SACM1L: variants seen among roughly 807,000 people sequenced by gnomAD.
SACM1L encodes SAC1 like phosphatidylinositide phosphatase.
Under a neutral mutation model 89.5 loss-of-function variants are expected in SACM1L, and 32 were observed. That is an observed-to-expected ratio of 0.36 (90% CI 0.27 to 0.48). SACM1L has a LOEUF of 0.48. SACM1L is among the 20% of genes least tolerant of loss of function. The pLI, the probability that SACM1L is intolerant of heterozygous loss-of-function variation, is 0.99. For missense variants in SACM1L, 543 were observed against 708.5 expected, an observed-to-expected ratio of 0.77 and a Z score of 2.65; for synonymous variants, 213 against 232.8, an observed-to-expected ratio of 0.92 and a Z score of 0.77.
chr3:45,731,469 G>A, intron 12 of SACM1L, 89 bp downstream of exon 12: 1 of 722,354 alleles, frequency 1.4e-6, no homozygotes, highest in Non-Finnish European at 2.2e-6. Context: ...CTAGACATAT[G>A]TTTCAGCTTG....
chr3:45,709,668 T>C, intron 5 of SACM1L, 21 bp downstream of exon 5: 2 of 1,581,902 alleles, frequency 1.3e-6, no homozygotes, highest in Non-Finnish European at 1.7e-6. Context: ...TCTTCAATTA[T>C]TTTTATTTTT....
At position 45,739,618 on chromosome 3, in the gene SACM1L, T is replaced by C. The variant is rs1393361920; in HGVS notation, c.1601T>C (p.Met534Thr). The C allele has an allele frequency of 2.5e-6, 4 of 1,614,066 alleles. No homozygotes were observed. Among genetic ancestry groups the C allele is most frequent in the Non-Finnish European group, 1.7e-6 (2 of 1,180,010 alleles). The change falls in exon 19 of 20, where the codon ATG (methionine) becomes ACG (threonine). Residue 534 changes from methionine to threonine, a missense_variant. Physicochemically the swap from Met to Thr is moderately conservative, Grantham distance 81 (BLOSUM62 -1). This residue lies in a region of SACM1L where 370 missense variants were observed against 527.6 expected (regional missense o/e 0.70). Coordinates refer to ENST00000389061, the MANE Select transcript of SACM1L (RefSeq NM_014016.5). ...ATTATCATGGTTGTTGCCTTTTCAA[T>C]GTGCATTATCTGTTTGCTTATGGCT... is the stretch of plus-strand genomic sequence containing the variant. ...LPIIMVVAFSMCIICLLMAGD... is the reference protein window; with the variant it reads ...LPIIMVVAFSTCIICLLMAGD...
At chr3:45,741,976 C>T (rs1699326588) in intron 19 of SACM1L, among the ~76,000 whole-genome samples, 1 of 152,206 alleles carries the variant, frequency 6.6e-6, no homozygotes, top group African/African-American at 2.4e-5. Flanking sequence ...GGTCCTCTGC[C>T]TTCTTTCCTG....
Position 45,739,652 on chromosome 3 carries a change from T to A in SACM1L, c.1627+8T>A. ...TCTGTTTGCTTATGGCTGGTAAGTC[T>A]GCTCCACACATTTGTTTCTTAGTTA... On this transcript the variant is annotated splice_region_variant and intron_variant, in intron 19 of 19. Transcript: ENST00000389061. The A allele has an allele frequency of 1.2e-6, 2 of 1,613,738 alleles. No homozygotes were observed. The highest frequency in any genetic ancestry group is 1.7e-6 in the Non-Finnish European group (2 of 1,179,658).
intron 1 of SACM1L, among the ~76,000 whole-genome samples, chr3:45,699,511 T>C (rs1024716623): frequency 6.6e-6 from 1 of 152,076 alleles, no homozygotes; most frequent in Non-Finnish European, 1.5e-5. Flanking sequence ...AATTAAAAAG[T>C]GCCTTGGTTC....
intron 11 of SACM1L, chr3:45,730,562 G>A (rs373089481): frequency 2.0e-5 from 3 of 152,288 alleles, no homozygotes; most frequent in East Asian, 1.9e-4. Flanking sequence ...TGTATGCTGG[G>A]GCAGTCCTTT....
intron 11 of SACM1L, among the ~76,000 whole-genome samples, chr3:45,729,678 A>G (rs1699001968): frequency 6.6e-6 from 1 of 152,150 alleles, no homozygotes; most frequent in African/African-American, 2.4e-5. Flanking sequence ...AATCCCATTG[A>G]GAATCTCTTG....
At chr3:45,712,333 C>A (rs1698549073) in intron 5 of SACM1L, among the ~76,000 whole-genome samples, 1 of 152,178 alleles carries the variant, frequency 6.6e-6, no homozygotes, top group Non-Finnish European at 1.5e-5. Flanking sequence ...CAGCCTCCAC[C>A]TCCCAGGTTC....
intron 1 of SACM1L, among the ~76,000 whole-genome samples, chr3:45,702,855 C>T (rs1211781660): frequency 1.3e-5 from 2 of 151,570 alleles, no homozygotes; most frequent in East Asian, 3.9e-4. Context: ...ATATGGGTTT[C>T]TAAAAAAACA....
intron 19 of SACM1L, among the ~76,000 whole-genome samples, chr3:45,740,884 TATC>T (rs1699298421): frequency 6.6e-6 from 1 of 152,244 alleles, no homozygotes; most frequent in Admixed American, 6.5e-5. Flanking sequence ...AGATATTACT[TATC>T]ATTACATTTT....
At chr3:45,739,992 G>A (rs1699282521) in intron 19 of SACM1L, 2 of 257,948 alleles carry the variant, frequency 7.8e-6, no homozygotes, top group Non-Finnish European at 1.5e-5. Flanking sequence ...TCAGTATCTT[G>A]TGCTTTTTCC....
chr3:45,690,674 T>C (rs1697961766), intron 1 of SACM1L, among the ~76,000 whole-genome samples: 1 of 152,244 alleles, frequency 6.6e-6, no homozygotes. Context: ...GTGCCATTTC[T>C]GTTTACTGTA....
At chr3:45,704,675 G>T (rs912027141) in intron 2 of SACM1L, among the ~76,000 whole-genome samples, 4 of 152,138 alleles carry the variant, frequency 2.6e-5, no homozygotes, top group African/African-American at 9.7e-5. Flanking sequence ...TTATTTGTAG[G>T]TAGAGATTGC....
chr3:45,728,751 T>C (rs991037678), intron 11 of SACM1L, among the ~76,000 whole-genome samples: 1 of 152,322 alleles, frequency 6.6e-6, no homozygotes, highest in Non-Finnish European at 1.5e-5. Context: ...TAGCTCTGTG[T>C]AATCTTGAAC....
Position 45,743,723 on chromosome 3 carries a change from G to C in SACM1L, c.*54G>C. 1 of 1,565,092 alleles carries C rather than the reference G, an allele frequency of 6.4e-7. No individual in the cohort carries two copies. The highest frequency in any genetic ancestry group is 8.6e-7 in the Non-Finnish European group (1 of 1,158,108). On this transcript the variant is annotated 3_prime_UTR_variant, in exon 20 of 20. Transcript: ENST00000389061. ...TGGAAGATTCCATTGTGCAGAACTG[G>C]AGTCTTTACTGACCCGCTTTCCACA... is the stretch of plus-strand genomic sequence containing the variant.
intron 7 of SACM1L, among the ~76,000 whole-genome samples, chr3:45,716,130 C>G (rs1328162375): frequency 6.6e-6 from 1 of 152,076 alleles, no homozygotes; most frequent in East Asian, 1.9e-4. Context: ...TAGCTCAGCC[C>G]AGATGACTCA....
intron 4 of SACM1L, among the ~76,000 whole-genome samples, chr3:45,707,740 T>C (rs1308002712): frequency 6.6e-6 from 1 of 152,178 alleles, no homozygotes; most frequent in East Asian, 1.9e-4. Context: ...ACCTTGGAGA[T>C]ATTTCCCAAC....
chr3:45,737,912 C>T, intron 16 of SACM1L, 68 bp downstream of exon 16: 1 of 1,312,020 alleles, frequency 7.6e-7, no homozygotes, highest in Non-Finnish European at 1.1e-6. Context: ...TAAAAATCAC[C>T]TGGGCAGCTT....
chr3:45,696,559 G>A (rs1173544890), intron 1 of SACM1L, among the ~76,000 whole-genome samples: 1 of 151,992 alleles, frequency 6.6e-6, no homozygotes, highest in African/African-American at 2.4e-5. Context: ...TCCCATAGTG[G>A]CTGCACCGTT....
Sources: allele counts gnomAD v4.1 joint callset (sites outside exome capture counted in the v4.1 genomes callset), GRCh38; gene constraint gnomAD v4.1.1; regional missense constraint gnomAD v4.1.1; transcripts MANE v1.5; gene names NCBI Gene and HGNC (gene_info 2026-07-23, HGNC 2026-07-21).